Variants in MAGI3 observed in about 807,000 individuals in gnomAD.
MAGI3 encodes membrane associated guanylate kinase, WW and PDZ domain containing 3.
A neutral mutation model predicts 121.8 loss-of-function variants in MAGI3; 43 were observed. The observed-to-expected ratio is 0.35, with a 90% CI of 0.28 to 0.46. The LOEUF (loss-of-function observed/expected upper bound fraction) is 0.46. MAGI3 is among the 20% of genes least tolerant of loss of function. The pLI, the probability that MAGI3 is intolerant of heterozygous loss-of-function variation, is 1.00. For synonymous variants in MAGI3, 553 were observed against 639.3 expected, an observed-to-expected ratio of 0.86 and a Z score of 2.04; for missense variants, 1,547 against 1,797.3, an observed-to-expected ratio of 0.86 and a Z score of 2.52.
rs1652241524 is a variant in MAGI3 at position 113,638,904 on chromosome 1, C to T, written c.1361-3007C>T. Among the ~76,000 whole-genome samples the T allele has an allele frequency of 2.6e-5, 4 of 152,364 alleles. No individual in the cohort carries two copies. In the South Asian group the frequency reaches 8.3e-4, roughly 32 times the overall value. On this transcript the variant is annotated intron_variant, in intron 9 of 20. Coordinates refer to ENST00000307546, the MANE Select transcript of MAGI3 (RefSeq NM_001142782.2). Reference sequence around the variant, plus strand: ...GCTCCACCCAGTTCGAGCTTCCCGGCTGCTTTGTTTACCTAAGCAAGCCTG... The same window carrying T: ...GCTCCACCCAGTTCGAGCTTCCCGGTTGCTTTGTTTACCTAAGCAAGCCTG...
chr1:113,665,657 A>C (rs1397124912), intron 16 of MAGI3, among the ~76,000 whole-genome samples: 1 of 152,154 alleles, frequency 6.6e-6, no homozygotes, highest in East Asian at 1.9e-4. Context: ...ACCAAAGATC[A>C]TGGACTGTAT....
intron 7 of MAGI3, among the ~76,000 whole-genome samples, chr1:113,615,635 G>A (rs1650414712): frequency 6.6e-6 from 1 of 152,116 alleles, no homozygotes; most frequent in African/African-American, 2.4e-5. Context: ...AGTCACTGTG[G>A]TTAGAGGGAT....
At chr1:113,611,660 T>C (rs1650143742) in intron 6 of MAGI3, among the ~76,000 whole-genome samples, 1 of 152,198 alleles carries the variant, frequency 6.6e-6, no homozygotes, top group African/African-American at 2.4e-5. Context: ...TCGTCCTTTA[T>C]TACTGCTTCC....
intron 3 of MAGI3, among the ~76,000 whole-genome samples, chr1:113,584,911 C>T (rs1250177460): frequency 1.3e-5 from 2 of 150,446 alleles, no homozygotes; most frequent in South Asian, 2.1e-4. Context: ...TCTCTCTTCT[C>T]GTAAGATGAG....
chr1:113,472,678 G>T (rs867678010), intron 1 of MAGI3, among the ~76,000 whole-genome samples: 1 of 150,200 alleles, frequency 6.7e-6, no homozygotes. Context: ...GTGTGTGTGT[G>T]TATGTGTGTG....
intron 13 of MAGI3, 52 bp from the exon 14 acceptor site, chr1:113,650,962 C>T: frequency 6.6e-7 from 1 of 1,522,370 alleles, no homozygotes; most frequent in Non-Finnish European, 9.0e-7. Context: ...TTCCTTAACT[C>T]TTCAGCTAAA....
intron 1 of MAGI3, among the ~76,000 whole-genome samples, chr1:113,477,050 CTT>C (rs138155838): frequency 9.7e-5 from 14 of 144,756 alleles, no homozygotes; most frequent in Admixed American, 2.7e-4. Context: ...TGCACCCCTG[CTT>C]TTTTTTTTTT....
At chr1:113,395,756 C>G (rs1207300341) in intron 1 of MAGI3, among the ~76,000 whole-genome samples, 1 of 151,874 alleles carries the variant, frequency 6.6e-6, no homozygotes, top group East Asian at 1.9e-4. Context: ...TGATCCTGCC[C>G]TCACCCCCAG....
intron 1 of MAGI3, among the ~76,000 whole-genome samples, chr1:113,396,118 C>G (rs960501434): frequency 3.3e-5 from 5 of 152,110 alleles, no homozygotes; most frequent in Non-Finnish European, 7.4e-5. Context: ...GAAGTCAGTG[C>G]CTAATCTTCT....
intron 2 of MAGI3, among the ~76,000 whole-genome samples, chr1:113,557,815 G>A (rs540970180): frequency 7.7e-4 from 117 of 152,288 alleles, no homozygotes; most frequent in African/African-American, 2.7e-3. Context: ...CGGGCTGGCA[G>A]TAGTTCAGTA....
chr1:113,493,713 A>G (rs1355493531), intron 1 of MAGI3, among the ~76,000 whole-genome samples: 7 of 152,228 alleles, frequency 4.6e-5, no homozygotes, highest in Non-Finnish European at 8.8e-5. Context: ...GGCAAAGAGC[A>G]TGAACAGACA....
At chr1:113,479,141 T>C (rs7529062) in intron 1 of MAGI3, among the ~76,000 whole-genome samples, 144,424 of 152,270 alleles carry the variant, frequency 0.95, 68,530 homozygotes, top group East Asian at 0.99. Flanking sequence ...CCTGTTTTTC[T>C]AGGTAGTCTG....
intron 1 of MAGI3, among the ~76,000 whole-genome samples, chr1:113,414,205 G>A (rs569316352): frequency 6.6e-6 from 1 of 152,264 alleles, no homozygotes; most frequent in Non-Finnish European, 1.5e-5. Flanking sequence ...TGTTGAACCA[G>A]CCTTGCATCA....
intron 1 of MAGI3, among the ~76,000 whole-genome samples, chr1:113,473,453 C>G (rs947659912): frequency 2.2e-5 from 3 of 133,986 alleles, no homozygotes; most frequent in Admixed American, 1.6e-4. Flanking sequence ...TTGTGATGCT[C>G]TCTGCCCTGT....
At chr1:113,434,580 C>T (rs1031078235) in intron 1 of MAGI3, among the ~76,000 whole-genome samples, 1 of 152,170 alleles carries the variant, frequency 6.6e-6, no homozygotes, top group Non-Finnish European at 1.5e-5. Flanking sequence ...TACAGCTGCT[C>T]TCTTTATTGA....
chr1:113,653,729 T>A, intron 14 of MAGI3, 101 bp from the exon 15 acceptor site: 3 of 1,058,732 alleles, frequency 2.8e-6, no homozygotes, highest in Non-Finnish European at 4.0e-6. Context: ...TTTATGTTAT[T>A]AGAAACTGAA....
chr1:113,643,797 A>G (rs756491139), intron 11 of MAGI3, 23 bp downstream of exon 11: 6 of 1,609,172 alleles, frequency 3.7e-6, no homozygotes, highest in African/African-American at 2.7e-5. Flanking sequence ...TGGTCCTCAA[A>G]TCTTTTCCCC....
At chr1:113,574,515 C>A (rs1234917030) in intron 2 of MAGI3, among the ~76,000 whole-genome samples, 1 of 152,092 alleles carries the variant, frequency 6.6e-6, no homozygotes, top group Non-Finnish European at 1.5e-5. Flanking sequence ...GAATATTGGT[C>A]GCCTACTCTC....
chr1:113,412,695 C>T lies in MAGI3; in HGVS notation c.316+21346C>T, dbSNP rs1459961869. Among the ~76,000 whole-genome samples, 3 of 151,848 alleles carry T rather than the reference C, an allele frequency of 2.0e-5. No homozygotes were observed. The South Asian group carries it at 6.2e-4, about 32-fold the overall frequency. On this transcript the variant is annotated intron_variant, in intron 1 of 20. Coordinates refer to ENST00000307546, the MANE Select transcript of MAGI3 (RefSeq NM_001142782.2). ...TCTTTTGAGATGTGTCTGTTCATAT[C>T]CTCTGCCCGCTTTTTGGTGGGGTTT...
Sources: gnomAD v4.1 joint callset for allele counts (sites outside exome capture counted in the v4.1 genomes callset) on GRCh38, gnomAD v4.1.1 for gene constraint, MANE v1.5 for transcripts, NCBI Gene and HGNC (gene_info 2026-07-23, HGNC 2026-07-21) for gene names.